Variants in CTNNA2 observed in about 807,000 individuals in gnomAD.
CTNNA2 encodes the protein catenin alpha 2.
A neutral mutation model predicts 101.0 loss-of-function variants in CTNNA2; 42 were observed. That is an observed-to-expected ratio of 0.42 (90% CI 0.32 to 0.54). CTNNA2 has a LOEUF of 0.54. Among genes scored for constraint, CTNNA2 ranks in the 20% least tolerant of loss-of-function variants. CTNNA2 has a pLI of 0.14. For synonymous variants in CTNNA2, 450 were observed against 456.4 expected (o/e 0.99, Z 0.18); for missense variants, 871 against 1,223.1 (o/e 0.71, Z 4.29).
chr2:80,449,799 A>G (rs1169769225), intron 9 of CTNNA2, among the ~76,000 whole-genome samples: 1 of 152,198 alleles, frequency 6.6e-6, no homozygotes, highest in Non-Finnish European at 1.5e-5. Flanking sequence ...TGTAGCTCAC[A>G]CTATGTGCTT....
intron 7 of CTNNA2, among the ~76,000 whole-genome samples, chr2:80,010,258 A>G (rs556504352): frequency 6.6e-6 from 1 of 152,228 alleles, no homozygotes; most frequent in South Asian, 2.1e-4. Context: ...CTGAGACAGA[A>G]CTCAAGATTA....
chr2:79,521,969 C>T (rs1672143003), intron 1 of CTNNA2, among the ~76,000 whole-genome samples: 1 of 152,112 alleles, frequency 6.6e-6, no homozygotes, highest in African/African-American at 2.4e-5. Context: ...GGACAGGAAG[C>T]AAAAGTCAGT....
chr2:79,765,093 T>C (rs576603077), intron 3 of CTNNA2, among the ~76,000 whole-genome samples: 5 of 152,300 alleles, frequency 3.3e-5, no homozygotes, highest in African/African-American at 9.6e-5. Flanking sequence ...AACAAGAAGA[T>C]TTAATAAGTT....
chr2:80,030,237 A>AC (rs1205779095), intron 7 of CTNNA2, among the ~76,000 whole-genome samples: 1 of 152,060 alleles, frequency 6.6e-6, no homozygotes, highest in Non-Finnish European at 1.5e-5. Flanking sequence ...TTGTTAAAAA[A>AC]AAAAAAAAAG....
intron 18 of CTNNA2, among the ~76,000 whole-genome samples, chr2:80,623,522 G>C (rs1235131748): frequency 6.6e-6 from 1 of 151,904 alleles, no homozygotes; most frequent in African/African-American, 2.4e-5. Flanking sequence ...GAAAGATGGA[G>C]AAAAGTAAAA....
At chr2:79,551,726 T>C (rs1018146431) in intron 1 of CTNNA2, among the ~76,000 whole-genome samples, 1 of 152,112 alleles carries the variant, frequency 6.6e-6, no homozygotes, top group African/African-American at 2.4e-5. Context: ...TCAAAAAGCT[T>C]ACAATCATGG....
At chr2:80,449,356 TTG>T (rs1227586835) in intron 9 of CTNNA2, among the ~76,000 whole-genome samples, 19 of 152,092 alleles carry the variant, frequency 1.2e-4, no homozygotes, top group Non-Finnish European at 2.1e-4. Context: ...TTGGTCTATT[TTG>T]TTATTGTAGC....
intron 2 of CTNNA2, among the ~76,000 whole-genome samples, chr2:79,691,760 C>T (rs527253595): frequency 1.3e-5 from 2 of 152,134 alleles, no homozygotes; most frequent in East Asian, 3.9e-4. Context: ...CTGAAAAAAA[C>T]AAGCAATGAG....
chr2:79,407,546 C>A (rs1345268982), intron 4 of CTNNA2, among the ~76,000 whole-genome samples: 2 of 151,948 alleles, frequency 1.3e-5, no homozygotes, highest in African/African-American at 4.8e-5. Context: ...ACTTATCTAT[C>A]CTGTAAGTTA....
At chr2:79,266,933 G>A (rs542366936) in intron 2 of CTNNA2, among the ~76,000 whole-genome samples, 1 of 152,134 alleles carries the variant, frequency 6.6e-6, no homozygotes, top group African/African-American at 2.4e-5. Flanking sequence ...GTATCAGACT[G>A]TACTCAAAAT....
At chr2:79,575,304 T>A (rs577923440) in intron 1 of CTNNA2, 1 of 152,188 alleles carries the variant, frequency 6.6e-6, no homozygotes, top group African/African-American at 2.4e-5. Flanking sequence ...AGCAGAAAGA[T>A]GTTATAAACA....
chr2:80,023,918 T>C (rs1694750767), intron 7 of CTNNA2, among the ~76,000 whole-genome samples: 1 of 150,876 alleles, frequency 6.6e-6, no homozygotes, highest in African/African-American at 2.4e-5. Context: ...AAACCCCGTC[T>C]CTACTAAAAA....
Position 79,664,860 on chromosome 2 carries a change from C to T in CTNNA2, c.102+13202C>T, listed in dbSNP as rs192420514. On this transcript the variant is annotated intron_variant, in intron 2 of 18. Coordinates refer to ENST00000402739, the MANE Select transcript of CTNNA2 (RefSeq NM_001282597.3). The stretch of plus-strand genomic sequence containing the variant: ...CCAAGTAGCTGGGACTACAGGCGCC[C>T]GCCAACACGCCCGGCTAATTTTTTG... Among the ~76,000 whole-genome samples, 1,485 of 151,716 alleles carry T rather than the reference C, an allele frequency of 9.8e-3. 21 individuals carry two copies. Among genetic ancestry groups the T allele is most frequent in the African/African-American group, 0.034 (1,419 of 41,378 alleles).
rs879815854 is a variant in CTNNA2 at position 79,433,797 on chromosome 2, G to C, written c.-135+59784G>C. On this transcript the variant is annotated intron_variant, in intron 4 of 21. Transcript: ENST00000466387. ...GGAAAGAAAATTGTGAAACCAAAAAGTCATGTCCATTTTAAATTCCATAAA... is the reference window on the plus strand; with the variant it reads ...GGAAAGAAAATTGTGAAACCAAAAACTCATGTCCATTTTAAATTCCATAAA... 6.1e-4 allele frequency among the ~76,000 whole-genome samples: 93 copies of C among 152,056 alleles called. 2 individuals are homozygous for C. The highest frequency in any genetic ancestry group is 1.9e-4 in the Non-Finnish European group (13 of 68,014).
chr2:80,268,250 G>C (rs189312841), intron 7 of CTNNA2, among the ~76,000 whole-genome samples: 18 of 152,354 alleles, frequency 1.2e-4, no homozygotes, highest in Non-Finnish European at 2.1e-4. Context: ...TAGAAAGGGG[G>C]TGGGTACCGG....
At chr2:79,237,690 C>T (rs1674574472) in intron 2 of CTNNA2, among the ~76,000 whole-genome samples, 1 of 152,216 alleles carries the variant, frequency 6.6e-6, no homozygotes, top group South Asian at 2.1e-4. Context: ...ACTTCTACAT[C>T]AGTACTTGTT....
rs577657951 is a variant in CTNNA2, at chr2:80,275,834, A to G, written c.1057-117377A>G. Among the ~76,000 whole-genome samples, 7 of 152,302 alleles carry G rather than the reference A, an allele frequency of 4.6e-5. No homozygotes were observed. In the South Asian group the frequency reaches 1.4e-3, roughly 32 times the overall value. On this transcript the variant is annotated intron_variant, in intron 7 of 18. Coordinates refer to ENST00000402739, the MANE Select transcript of CTNNA2 (RefSeq NM_001282597.3). ...GAAAATGCATGGTGTATATTATGGC[A>G]TGTTGTAAAAATATCAGAATTTACT... is the stretch of plus-strand genomic sequence containing the variant.
intron 3 of CTNNA2, among the ~76,000 whole-genome samples, chr2:79,805,526 G>A (rs904756775): frequency 6.6e-6 from 1 of 152,076 alleles, no homozygotes; most frequent in Non-Finnish European, 1.5e-5. Flanking sequence ...TATGGATTAG[G>A]CATGCTCAAC....
At chr2:80,306,706 G>A (rs1433548506) in intron 7 of CTNNA2, among the ~76,000 whole-genome samples, 1 of 151,852 alleles carries the variant, frequency 6.6e-6, no homozygotes, top group African/African-American at 2.4e-5. Context: ...GTGGGGGAGG[G>A]GTGTTGAGGA....
Sources: allele counts gnomAD v4.1 joint callset (sites outside exome capture counted in the v4.1 genomes callset), GRCh38; gene constraint gnomAD v4.1.1; transcripts MANE v1.5; gene names NCBI Gene and HGNC (gene_info 2026-07-23, HGNC 2026-07-21).